Variants in RALGAPA2 observed in about 807,000 individuals in gnomAD.
The protein encoded by RALGAPA2 is ral GTPase-activating protein subunit alpha-2.
RALGAPA2 carries 139 observed loss-of-function variants against 230.4 expected under a neutral mutation model. That is an observed-to-expected ratio of 0.60 (90% confidence interval 0.53 to 0.69). RALGAPA2 has a LOEUF of 0.69. RALGAPA2 is among the 30% of genes least tolerant of loss of function. RALGAPA2 has a pLI of 0.00. For missense variants in RALGAPA2, 2,163 were observed against 2,276.0 expected (o/e 0.95, Z 1.01); for synonymous variants, 847 against 837.8 (o/e 1.01, Z -0.19).
Position 20,645,390 on chromosome 20 carries a change from A to G in RALGAPA2, c.329-1841T>C, listed in dbSNP as rs1237877930. On this transcript the variant is annotated intron_variant, in intron 4 of 39. Coordinates refer to ENST00000202677, the MANE Select transcript of RALGAPA2 (RefSeq NM_020343.4). ...CGGCCTCCCAAAGTGCTGGGATTAC[A>G]GGTGTGAACCACCGTGCCCGGCCGT... 6.6e-5 allele frequency among the ~76,000 whole-genome samples: 10 copies of G among 152,156 alleles called. No individual in the cohort carries two copies. The East Asian group carries it at 1.7e-3, about 26-fold the overall frequency.
chr20:20,524,404 AC>A lies in RALGAPA2; in HGVS notation c.3900+1del, dbSNP rs756488973. 1 of 1,613,406 alleles carries A rather than the reference AC, an allele frequency of 6.2e-7. No individual in the cohort carries two copies. Among genetic ancestry groups the A allele is most frequent in the Non-Finnish European group, 8.5e-7 (1 of 1,179,636 alleles). ...TTCCCCCAGGCCCAGGTGTAGACTC[AC>A]CCTGTAGATATAATCCAGCAAGGGG... On this transcript the variant is annotated splice_donor_variant, in intron 30 of 39. Coordinates refer to ENST00000202677, the MANE Select transcript of RALGAPA2 (RefSeq NM_020343.4). LOFTEE classifies it high-confidence loss of function.
At chr20:20,704,334 T>C (rs986672093) in intron 1 of RALGAPA2, among the ~76,000 whole-genome samples, 2 of 152,162 alleles carry the variant, frequency 1.3e-5, no homozygotes, top group African/African-American at 2.4e-5. Context: ...ACTTCTCCTA[T>C]ATAAACTCAA....
At position 20,526,224 on chromosome 20, in the gene RALGAPA2, T is replaced by C. The variant is rs763191533; in HGVS notation, c.3693+28A>G. On this transcript the variant is annotated intron_variant, in intron 28 of 39. Coordinates refer to ENST00000202677, the MANE Select transcript of RALGAPA2 (RefSeq NM_020343.4). ...ATACAGTAAAAAGGAAATGCTTATG[T>C]TTTAGTATTACAGAAAAAAAGACTT... The C allele has an allele frequency of 7.0e-6, 10 of 1,429,666 alleles. No individual in the cohort carries two copies. In the African/African-American group the frequency reaches 1.1e-4, roughly 16 times the overall value. 88.6% of individuals were successfully genotyped at this position (1,429,666 alleles called of 1,614,324 possible). A position where few individuals can be genotyped will look rare whatever the true frequency, so the allele number is the denominator to read the frequency against.
chr20:20,585,568 A>G (rs1026769920), intron 18 of RALGAPA2, among the ~76,000 whole-genome samples: 3 of 152,204 alleles, frequency 2.0e-5, no homozygotes, highest in Non-Finnish European at 4.4e-5. Context: ...ATGCAAATAA[A>G]CTGCCTCTGA....
chr20:20,591,421 A>G (rs2065288274), intron 16 of RALGAPA2, 107 bp from the exon 17 acceptor site: 2 of 1,282,620 alleles, frequency 1.6e-6, no homozygotes, highest in East Asian at 2.5e-5. Context: ...TGCTTTTCAC[A>G]AATAATTTAT....
intron 27 of RALGAPA2, among the ~76,000 whole-genome samples, chr20:20,529,917 C>T (rs1221391434): frequency 1.3e-5 from 2 of 151,900 alleles, no homozygotes; most frequent in African/African-American, 4.8e-5. Flanking sequence ...GGGGGAACCA[C>T]CTTACATTAA....
rs558363013 is a variant in RALGAPA2 at position 20,403,198 on chromosome 20, T to C, written c.5618-6464A>G. Among the ~76,000 whole-genome samples the C allele has an allele frequency of 3.3e-5, 5 of 152,342 alleles. No homozygotes were observed. In the East Asian group the frequency reaches 9.6e-4, roughly 29 times the overall value. On this transcript the variant is annotated intron_variant, in intron 38 of 39. Coordinates refer to ENST00000202677, the MANE Select transcript of RALGAPA2 (RefSeq NM_020343.4). Reference sequence around the variant, plus strand: ...TGAGAGCAGACACTGCCGTCTCCTTTCCCGTCTGGAAGGTGAGCCTCCAGT... The same window carrying C: ...TGAGAGCAGACACTGCCGTCTCCTTCCCCGTCTGGAAGGTGAGCCTCCAGT...
intron 24 of RALGAPA2, among the ~76,000 whole-genome samples, chr20:20,539,947 T>C (rs1489819112): frequency 2.0e-5 from 3 of 152,246 alleles, no homozygotes; most frequent in Non-Finnish European, 4.4e-5. Context: ...TCCTTCATTT[T>C]TTAAAGGCTG....
rs148868022 is a variant in RALGAPA2 at position 20,673,714 on chromosome 20, AC to A, written c.270+2521del. 3.3e-3 allele frequency among the ~76,000 whole-genome samples: 502 copies of A among 152,334 alleles called. 14 individuals are homozygous for A. Among genetic ancestry groups the A allele is most frequent in the Admixed American group, 0.026 (401 of 15,294 alleles). On this transcript the variant is annotated intron_variant, in intron 3 of 39. Coordinates refer to ENST00000202677, the MANE Select transcript of RALGAPA2 (RefSeq NM_020343.4). ...TGGTTTTATAGGAAAGGTAAAAAAA[AC>A]ATTTCAATGACAGCTCATTCCAATC... is the stretch of plus-strand genomic sequence containing the variant.
intron 1 of RALGAPA2, among the ~76,000 whole-genome samples, chr20:20,701,978 T>C (rs565345538): frequency 4.6e-5 from 7 of 151,092 alleles, no homozygotes; most frequent in Admixed American, 1.3e-4. Context: ...AGGCAGAGGT[T>C]GCAGTGAGCC....
intron 33 of RALGAPA2, 61 bp from the exon 34 acceptor site, chr20:20,505,595 T>C: frequency 7.3e-7 from 1 of 1,360,872 alleles, no homozygotes; most frequent in Non-Finnish European, 9.9e-7. Context: ...ACTTCACTAC[T>C]ATTAATACCA....
intron 5 of RALGAPA2, among the ~76,000 whole-genome samples, chr20:20,641,103 C>T (rs1174022861): frequency 6.6e-6 from 1 of 152,142 alleles, no homozygotes; most frequent in African/African-American, 2.4e-5. Flanking sequence ...GTAAGCGCTG[C>T]CACTTTCTAG....
In RALGAPA2 at chr20:20,572,888, T is replaced by C; in HGVS notation, c.2888A>G (p.Tyr963Cys). 7 of 1,544,970 alleles carry C rather than the reference T, an allele frequency of 4.5e-6. No homozygotes were observed. The highest frequency in any genetic ancestry group is 6.1e-6 in the Non-Finnish European group (7 of 1,141,724). The change falls in exon 21 of 40, where the codon TAC becomes TGC. Residue 963 changes from tyrosine (Y) to cysteine (C), a missense_variant. Coordinates refer to ENST00000202677, the MANE Select transcript of RALGAPA2 (RefSeq NM_020343.4). Reference sequence around the variant, plus strand: ...AGCAGAACTTACCTTTGCTAGTTTGTACCAGAGTTCATAGAGATAGCAGAA... The same window carrying C: ...AGCAGAACTTACCTTTGCTAGTTTGCACCAGAGTTCATAGAGATAGCAGAA... The part of the protein sequence containing the change: ...RVFCYLYELW[Y>C]KLAKIRDNLA...
At chr20:20,651,676 T>C (rs1210984246) in intron 4 of RALGAPA2, among the ~76,000 whole-genome samples, 1 of 152,192 alleles carries the variant, frequency 6.6e-6, no homozygotes, top group Non-Finnish European at 1.5e-5. Flanking sequence ...CAAATGCAAA[T>C]TAATTTTCAC....
intron 8 of RALGAPA2, among the ~76,000 whole-genome samples, chr20:20,636,216 C>T (rs764344070): frequency 1.3e-4 from 20 of 152,096 alleles, no homozygotes; most frequent in Non-Finnish European, 2.5e-4. Context: ...GTTTCTCATT[C>T]TTTAAATTCC....
intron 6 of RALGAPA2, among the ~76,000 whole-genome samples, 177 bp downstream of exon 6, chr20:20,640,524 A>G (rs1176716004): frequency 6.6e-6 from 1 of 152,190 alleles, no homozygotes; most frequent in Non-Finnish European, 1.5e-5. Flanking sequence ...TTTCATATAA[A>G]ATAAGCTCCA....
At chr20:20,633,744 C>T (rs939478021) in intron 9 of RALGAPA2, among the ~76,000 whole-genome samples, 12 of 152,300 alleles carry the variant, frequency 7.9e-5, no homozygotes, top group African/African-American at 2.9e-4. Flanking sequence ...TCCCAAAGTG[C>T]TGGGAATACA....
chr20:20,699,531 T>G (rs994597485), intron 1 of RALGAPA2, among the ~76,000 whole-genome samples: 1 of 152,082 alleles, frequency 6.6e-6, no homozygotes, highest in African/African-American at 2.4e-5. Context: ...CTAACAGAAG[T>G]TGTAAAGAAG....
chr20:20,680,863 C>G, intron 1 of RALGAPA2, 62 bp from the exon 2 acceptor site: 1 of 1,505,254 alleles, frequency 6.6e-7, no homozygotes, highest in South Asian at 1.3e-5. Context: ...AATTTAGAAA[C>G]AAACTTCTCA....
Sources: gnomAD v4.1 joint callset for allele counts (sites outside exome capture counted in the v4.1 genomes callset) on GRCh38, gnomAD v4.1.1 for gene constraint, MANE v1.5 for transcripts, NCBI Gene and HGNC (gene_info 2026-07-23, HGNC 2026-07-21) for gene names.